KLHL1: variants seen among roughly 807,000 people sequenced by gnomAD.
KLHL1 encodes the protein kelch-like protein 1.
KLHL1 carries 47 observed loss-of-function variants against 77.7 expected under a neutral mutation model. The observed-to-expected ratio is 0.60, with a 90% CI of 0.48 to 0.77. KLHL1 has a LOEUF of 0.77. Ranked by LOEUF, KLHL1 falls within the 30% of genes least tolerant of loss-of-function variation. The pLI is 0.00. For missense variants in KLHL1, 925 were observed against 910.8 expected, an observed-to-expected ratio of 1.02 and a Z score of -0.20; for synonymous variants, 360 against 325.2, an observed-to-expected ratio of 1.11 and a Z score of -1.15.
At chr13:69,857,856 T>C (rs868331299) in intron 5 of KLHL1, among the ~76,000 whole-genome samples, 2 of 151,544 alleles carry the variant, frequency 1.3e-5, no homozygotes, top group African/African-American at 2.4e-5. Context: ...TATAAAAATA[T>C]ATATATATAA....
At chr13:70,002,481 A>G (rs1885317371) in intron 1 of KLHL1, among the ~76,000 whole-genome samples, 1 of 151,522 alleles carries the variant, frequency 6.6e-6, no homozygotes, top group African/African-American at 2.4e-5. Flanking sequence ...CAAGTGATCT[A>G]CAGTTTTGTC....
intron 1 of KLHL1, among the ~76,000 whole-genome samples, chr13:70,027,906 A>C (rs758215956): frequency 6.6e-6 from 1 of 152,136 alleles, no homozygotes; most frequent in Non-Finnish European, 1.5e-5. Flanking sequence ...GCGATGTTAC[A>C]CAGTGGCAAA....
At chr13:70,030,571 AC>A (rs1360899051) in intron 1 of KLHL1, among the ~76,000 whole-genome samples, 6 of 152,294 alleles carry the variant, frequency 3.9e-5, no homozygotes, top group Admixed American at 3.9e-4. Flanking sequence ...ACATACCAGA[AC>A]CTCTGGGACA....
chr13:69,883,840 C>T (rs1881095498), intron 4 of KLHL1, among the ~76,000 whole-genome samples: 1 of 152,128 alleles, frequency 6.6e-6, no homozygotes, highest in Admixed American at 6.5e-5. Flanking sequence ...TTAGAGAAGA[C>T]AGAGATTCTG....
chr13:70,054,023 G>T (rs1441514947), intron 1 of KLHL1, among the ~76,000 whole-genome samples: 1 of 152,012 alleles, frequency 6.6e-6, no homozygotes, highest in Non-Finnish European at 1.5e-5. Context: ...TCTCATTTCT[G>T]GGAAAAATGT....
Position 70,084,622 on chromosome 13 carries a change from C to CTTTTTTTTTTTTTTTTTTT in KLHL1, c.497+22562_497+22580dup, listed in dbSNP as rs71116988. Among the ~76,000 whole-genome samples the CTTTTTTTTTTTTTTTTTTT allele has an allele frequency of 2.3e-3, 34 of 14,950 alleles. 11 individuals are homozygous for CTTTTTTTTTTTTTTTTTTT. The highest frequency in any genetic ancestry group is 4.1e-3 in the African/African-American group (12 of 2,902). 9.8% of individuals were successfully genotyped at this position (14,950 alleles called of 152,430 possible). A position where few individuals can be genotyped will look rare whatever the true frequency, so the allele number is the denominator to read the frequency against. Reference sequence around the variant, plus strand: ...TACAGGCACCTGCCACCACGCCAGGCTTTTTTTTTTTTTTTTTTTTTTTTT... The same window carrying CTTTTTTTTTTTTTTTTTTT: ...TACAGGCACCTGCCACCACGCCAGGCTTTTTTTTTTTTTTTTTTTTTTTTTTTTTTTTTTTTTTTTTTTT... On this transcript the variant is annotated intron_variant, in intron 1 of 10. Transcript: ENST00000377844.
chr13:70,106,834 T>TA lies in KLHL1; in HGVS notation c.497+368dup, dbSNP rs544871513. On this transcript the variant is annotated intron_variant, in intron 1 of 10. Coordinates refer to ENST00000377844, the MANE Select transcript of KLHL1 (RefSeq NM_020866.3). The stretch of plus-strand genomic sequence containing the variant: ...ATATGAGATGCATTCTGATGATGTG[T>TA]AAAGCAAAATTTCATCTTCAGATAA... 1.1e-4 allele frequency among the ~76,000 whole-genome samples: 16 copies of TA among 152,298 alleles called. No individual in the cohort carries two copies. The East Asian group carries it at 3.1e-3, about 29-fold the overall frequency.
intron 5 of KLHL1, among the ~76,000 whole-genome samples, chr13:69,874,577 AC>A (rs1335350828): frequency 6.6e-6 from 1 of 152,178 alleles, no homozygotes; most frequent in Non-Finnish European, 1.5e-5. Context: ...AAATTATTAT[AC>A]CCTATATTAA....
chr13:69,810,699 T>C (rs1326292886), intron 6 of KLHL1, among the ~76,000 whole-genome samples: 1 of 151,510 alleles, frequency 6.6e-6, no homozygotes. Context: ...CTAAATGAAA[T>C]TGAACTGTAC....
At chr13:70,026,586 A>G (rs1192471940) in intron 1 of KLHL1, among the ~76,000 whole-genome samples, 1 of 152,048 alleles carries the variant, frequency 6.6e-6, no homozygotes, top group Admixed American at 6.6e-5. Flanking sequence ...CCGTTCCCTC[A>G]TGAGTAAAAA....
Position 69,969,885 on chromosome 13 carries a change from G to GA in KLHL1, c.680+5734dup, listed in dbSNP as rs1053609505. On this transcript the variant is annotated intron_variant, in intron 2 of 10. Transcript: ENST00000377844. ...GAAGTATATGCATGCAACCACACTA[G>GA]AAAATCTCTTATTGAGGTCACTACA... Among the ~76,000 whole-genome samples the GA allele has an allele frequency of 6.2e-4, 94 of 152,244 alleles. 1 individual carries two copies. The highest frequency in any genetic ancestry group is 2.2e-3 in the African/African-American group (92 of 41,554).
At chr13:69,835,111 A>C (rs1878935237) in intron 6 of KLHL1, among the ~76,000 whole-genome samples, 1 of 152,144 alleles carries the variant, frequency 6.6e-6, no homozygotes, top group South Asian at 2.1e-4. Context: ...AAAATTTCAG[A>C]GTGTTAATGG....
intron 7 of KLHL1, among the ~76,000 whole-genome samples, chr13:69,787,054 G>A (rs555297494): frequency 6.6e-6 from 1 of 152,276 alleles, no homozygotes; most frequent in African/African-American, 2.4e-5. Flanking sequence ...TGGGTAGGAA[G>A]AATCAATATC....
chr13:69,824,812 C>T (rs1878480677), intron 6 of KLHL1, among the ~76,000 whole-genome samples: 1 of 151,974 alleles, frequency 6.6e-6, no homozygotes, highest in South Asian at 2.1e-4. Flanking sequence ...AATGCTCTAT[C>T]ATGTTTAGTG....
intron 6 of KLHL1, among the ~76,000 whole-genome samples, chr13:69,802,646 G>A (rs1366176438): frequency 6.6e-6 from 1 of 150,966 alleles, no homozygotes; most frequent in African/African-American, 2.4e-5. Context: ...GTTCTGTTTT[G>A]TTCCAATCTA....
intron 7 of KLHL1, among the ~76,000 whole-genome samples, chr13:69,790,012 G>GTAAT (rs1876792337): frequency 2.0e-5 from 3 of 152,038 alleles, no homozygotes; most frequent in Non-Finnish European, 2.9e-5. Context: ...TCACCGAGAT[G>GTAAT]TAATTGTGGT....
At position 69,707,128 on chromosome 13, in the gene KLHL1, G is replaced by A. The variant is rs528524685; in HGVS notation, c.2187+497C>T. On this transcript the variant is annotated intron_variant, in intron 10 of 10. Transcript: ENST00000377844. ...TTGAACTGGGATTTTTAAAAGGTTA[G>A]TTTCTGTTTATGGCTGTGGGGATTA... 6.4e-4 allele frequency among the ~76,000 whole-genome samples: 98 copies of A among 152,092 alleles called. 1 individual carries two copies. Among genetic ancestry groups the A allele is most frequent in the Non-Finnish European group, 1.4e-3 (92 of 67,924 alleles).
intron 1 of KLHL1, among the ~76,000 whole-genome samples, chr13:70,034,590 A>C (rs1886193244): frequency 6.6e-6 from 1 of 152,240 alleles, no homozygotes; most frequent in South Asian, 2.1e-4. Context: ...TCAGAAACAG[A>C]AAACACAGAA....
chr13:69,792,111 A>G lies in KLHL1; in HGVS notation c.1639+4627T>C, dbSNP rs556163992. On this transcript the variant is annotated intron_variant, in intron 7 of 10. Transcript: ENST00000377844. The stretch of plus-strand genomic sequence containing the variant: ...TGCACATCCTACACATGTACTCCAG[A>G]ACTTAAAACTAAAAAAAATTCATAG... 2.6e-5 allele frequency among the ~76,000 whole-genome samples: 4 copies of G among 152,284 alleles called. No homozygotes were observed. The East Asian group carries it at 7.7e-4, about 29-fold the overall frequency.
Sources: allele counts gnomAD v4.1 joint callset (sites outside exome capture counted in the v4.1 genomes callset), GRCh38; gene constraint gnomAD v4.1.1; transcripts MANE v1.5; gene names NCBI Gene and HGNC (gene_info 2026-07-23, HGNC 2026-07-21).